Variants in FRY observed in about 807,000 individuals in gnomAD.
FRY encodes protein furry homolog.
A neutral mutation model predicts 348.4 loss-of-function variants in FRY; 128 were observed. The observed-to-expected ratio is 0.37, with a 90% CI of 0.32 to 0.43. The LOEUF is 0.43. FRY is among the 20% of genes least tolerant of loss of function. FRY has a pLI of 1.00. For missense variants in FRY, 2,736 were observed against 3,695.2 expected, an observed-to-expected ratio of 0.74 and a Z score of 6.73; for synonymous variants, 1,370 against 1,374.7, an observed-to-expected ratio of 1.00 and a Z score of 0.08.
chr13:32,274,507 A>T (rs4942389), intron 55 of FRY, among the ~76,000 whole-genome samples: 6 of 151,702 alleles, frequency 4.0e-5, no homozygotes, highest in African/African-American at 1.5e-4. Context: ...GATCGAGACC[A>T]TCCTGGCTAA....
At chr13:32,152,623 A>C (rs1246367400) in intron 14 of FRY, among the ~76,000 whole-genome samples, 1 of 152,218 alleles carries the variant, frequency 6.6e-6, no homozygotes, top group Admixed American at 6.5e-5. Flanking sequence ...ATAAACAAAA[A>C]TTAACTCAAA....
Position 32,231,304 on chromosome 13 carries a change from C to T in FRY, c.5527+4C>T. The T allele has an allele frequency of 6.2e-7, 1 of 1,612,814 alleles. No homozygotes were observed. Among genetic ancestry groups the T allele is most frequent in the Non-Finnish European group, 8.5e-7 (1 of 1,178,964 alleles). On this transcript the variant is annotated splice_donor_region_variant and intron_variant, in intron 41 of 60. Coordinates refer to ENST00000542859, the MANE Select transcript of FRY (RefSeq NM_023037.3). ...GTATTTAAAGATTCCAAATCAGGTA[C>T]TTCATCTTATTTGCACAGATCCCTC...
At chr13:32,155,191 A>G (rs556696774) in intron 14 of FRY, among the ~76,000 whole-genome samples, 1 of 152,268 alleles carries the variant, frequency 6.6e-6, no homozygotes, top group Admixed American at 6.5e-5. Context: ...CCAGAGGATG[A>G]GGCATATCTT....
chr13:32,220,054 C>A (rs573429895), intron 36 of FRY, among the ~76,000 whole-genome samples: 1 of 152,158 alleles, frequency 6.6e-6, no homozygotes, highest in Non-Finnish European at 1.5e-5. Flanking sequence ...AACCAAAGAA[C>A]GCTCCCAGTG....
intron 58 of FRY, among the ~76,000 whole-genome samples, chr13:32,283,712 A>G (rs1888922577): frequency 6.6e-6 from 1 of 152,176 alleles, no homozygotes; most frequent in Non-Finnish European, 1.5e-5. Context: ...TGGTGATAGT[A>G]ATACCAGTTC....
intron 31 of FRY, among the ~76,000 whole-genome samples, chr13:32,204,554 AG>A (rs989373305): frequency 6.6e-6 from 1 of 152,234 alleles, no homozygotes; most frequent in African/African-American, 2.4e-5. Context: ...CCAACATTCC[AG>A]GTCCTCTTGT....
intron 4 of FRY, among the ~76,000 whole-genome samples, chr13:32,123,068 A>G (rs1488451651): frequency 6.6e-6 from 1 of 152,240 alleles, no homozygotes. Context: ...AACATATCCC[A>G]TGCTCAAGGA....
intron 1 of FRY, among the ~76,000 whole-genome samples, chr13:32,059,619 C>T (rs1174849206): frequency 7.9e-5 from 12 of 151,804 alleles, no homozygotes; most frequent in African/African-American, 2.9e-4. Context: ...ATGGTGTGGG[C>T]TTCCAGTGTA....
intron 31 of FRY, among the ~76,000 whole-genome samples, chr13:32,207,156 A>C (rs1884399726): frequency 6.6e-6 from 1 of 152,216 alleles, no homozygotes; most frequent in Non-Finnish European, 1.5e-5. Context: ...GTAATGCATA[A>C]GTCTTTGCTC....
chr13:32,078,997 T>C lies in FRY; in HGVS notation c.234T>C (p.Ala78=). 1.2e-6 allele frequency: 2 copies of C among 1,614,020 alleles called. No homozygotes were observed. The highest frequency in any genetic ancestry group is 1.7e-6 in the Non-Finnish European group (2 of 1,179,878). ...KSLFVNFTTQ[A]ERKIRIIMAE... ...TATTTGTCAACTTCACCACTCAGGC[T>C]GAACGCAAGATTCGTATCATTATGG... The change falls in exon 2 of 61, where the codon GCT becomes GCC. Residue 78 remains alanine (A), a synonymous_variant. Transcript: ENST00000542859.
intron 2 of FRY, among the ~76,000 whole-genome samples, chr13:32,091,301 C>T (rs1020920670): frequency 2.0e-5 from 3 of 152,146 alleles, no homozygotes; most frequent in Non-Finnish European, 4.4e-5. Context: ...TGCAGTCAGT[C>T]AATTGACATG....
chr13:32,267,203 T>C lies in FRY; in HGVS notation c.7980T>C (p.Pro2660=). ...AAGGTGACAGGGGAGTCTCTCCCCC[T>C]CCCTCGCCCTTCTTCTCAGCCATCC... ...FGEGDRGVSP[P]PSPFFSAILA... is the part of the protein sequence containing the mutation. Residue 2660 remains proline, a synonymous_variant, in exon 55 of 61, where the codon CCT becomes CCC. Coordinates refer to ENST00000542859, the MANE Select transcript of FRY (RefSeq NM_023037.3). 1 of 1,501,384 alleles carries C rather than the reference T, an allele frequency of 6.7e-7. No homozygotes were observed. The highest frequency in any genetic ancestry group is 9.1e-7 in the Non-Finnish European group (1 of 1,104,392). The allele number at this position is 1,501,384 out of a possible 1,614,324, so 93.0% of individuals were successfully genotyped here. A position where few individuals can be genotyped will look rare whatever the true frequency, so the allele number is the denominator to read the frequency against.
chr13:32,182,945 T>A, intron 23 of FRY, 32 bp from the exon 24 acceptor site: 1 of 1,434,658 alleles, frequency 7.0e-7, no homozygotes, highest in Admixed American at 1.7e-5. Context: ...TCAAAAACAA[T>A]GAATTTCAAA....
chr13:32,121,087 G>T (rs1446802114), intron 4 of FRY, among the ~76,000 whole-genome samples: 1 of 152,190 alleles, frequency 6.6e-6, no homozygotes, highest in East Asian at 1.9e-4. Context: ...CCAGGTCACT[G>T]CAAATGCTGT....
At chr13:32,047,024 G>A (rs546562495) in intron 1 of FRY, among the ~76,000 whole-genome samples, 1 of 152,222 alleles carries the variant, frequency 6.6e-6, no homozygotes, top group African/African-American at 2.4e-5. Context: ...TACCTGATGT[G>A]TATGAGCTGT....
Position 32,236,164 on chromosome 13 carries a change from A to G in FRY, c.5802A>G (p.Val1934=), listed in dbSNP as rs1422488601. The G allele has an allele frequency of 1.2e-6, 2 of 1,607,872 alleles. No homozygotes were observed. Among genetic ancestry groups the G allele is most frequent in the East Asian group, 2.2e-5 (1 of 44,856 alleles). ...DCLKNSDLLT[V]LSRSSSPDLS... is the part of the protein sequence containing the mutation. Reference sequence around the variant, plus strand: ...TGAAGAACAGTGACCTCCTAACTGTATTGTCCCGGTGAGAATCAGCTTAAT... The same window carrying G: ...TGAAGAACAGTGACCTCCTAACTGTGTTGTCCCGGTGAGAATCAGCTTAAT... The change falls in exon 43 of 61, where the codon GTA becomes GTG. Residue 1934 remains valine, a synonymous_variant. Transcript: ENST00000542859.
At chr13:32,251,568 G>A (rs1231535930) in intron 49 of FRY, among the ~76,000 whole-genome samples, 1 of 151,466 alleles carries the variant, frequency 6.6e-6, no homozygotes, top group Non-Finnish European at 1.5e-5. Flanking sequence ...CTGTCCAGCA[G>A]AAACATAATG....
chr13:32,091,535 T>G (rs1339643134), intron 2 of FRY, among the ~76,000 whole-genome samples: 1 of 152,262 alleles, frequency 6.6e-6, no homozygotes, highest in East Asian at 1.9e-4. Flanking sequence ...CTTTGGTTCA[T>G]ACGAAGTAGA....
intron 58 of FRY, among the ~76,000 whole-genome samples, chr13:32,284,092 G>A (rs1888939102): frequency 6.6e-6 from 1 of 152,190 alleles, no homozygotes; most frequent in Non-Finnish European, 1.5e-5. Flanking sequence ...GGTGGCCCCA[G>A]AAAAGCTGGA....
Sources: allele counts gnomAD v4.1 joint callset (sites outside exome capture counted in the v4.1 genomes callset), GRCh38; gene constraint gnomAD v4.1.1; transcripts MANE v1.5; gene names NCBI Gene and HGNC (gene_info 2026-07-23, HGNC 2026-07-21).